MYRIP: variants seen among roughly 807,000 people sequenced by gnomAD.
MYRIP encodes myosin VIIA and Rab interacting protein, also known as rab effector MyRIP.
MYRIP carries 49 observed loss-of-function variants against 98.0 expected under a neutral mutation model. The ratio of observed to expected loss-of-function variants is 0.50; its 90% CI spans 0.40 to 0.63. MYRIP has a LOEUF of 0.63. Among genes scored for constraint, MYRIP ranks in the 30% least tolerant of loss-of-function variants. MYRIP has a pLI of 0.00. For missense variants in MYRIP, 1,004 were observed against 1,058.2 expected (o/e 0.95, Z 0.71); for synonymous variants, 404 against 409.5 (o/e 0.99, Z 0.16).
At chr3:39,914,762 T>A (rs1236060326) in intron 2 of MYRIP, among the ~76,000 whole-genome samples, 2 of 152,130 alleles carry the variant, frequency 1.3e-5, no homozygotes, top group Non-Finnish European at 2.9e-5. Context: ...TAAACCTACA[T>A]ATATGACTTA....
At chr3:39,916,166 T>G (rs561361410) in intron 2 of MYRIP, among the ~76,000 whole-genome samples, 2 of 152,154 alleles carry the variant, frequency 1.3e-5, no homozygotes, top group African/African-American at 4.8e-5. Flanking sequence ...AAAGATAATA[T>G]ATATCACTCA....
At chr3:39,896,045 C>A (rs1675690346) in intron 1 of MYRIP, among the ~76,000 whole-genome samples, 1 of 152,128 alleles carries the variant, frequency 6.6e-6, no homozygotes, top group Non-Finnish European at 1.5e-5. Context: ...CCACAGCCAG[C>A]TCTGTGAGAA....
chr3:40,070,652 G>T (rs1948204520), intron 3 of MYRIP, among the ~76,000 whole-genome samples: 1 of 152,146 alleles, frequency 6.6e-6, no homozygotes, highest in South Asian at 2.1e-4. Flanking sequence ...GTGTGCGAGG[G>T]ATCTAGGGTA....
intron 9 of MYRIP, among the ~76,000 whole-genome samples, chr3:40,183,477 G>A (rs1950945144): frequency 6.6e-6 from 1 of 152,172 alleles, no homozygotes; most frequent in African/African-American, 2.4e-5. Context: ...CAAAATGAAG[G>A]GGCTCAAATG....
intron 3 of MYRIP, among the ~76,000 whole-genome samples, chr3:40,106,427 G>A (rs1048304722): frequency 3.9e-5 from 6 of 152,316 alleles, no homozygotes; most frequent in African/African-American, 1.4e-4. Flanking sequence ...AATAGTCAGA[G>A]AATTTTGCCT....
chr3:39,929,959 A>G (rs921932638), intron 2 of MYRIP, among the ~76,000 whole-genome samples: 8 of 151,986 alleles, frequency 5.3e-5, no homozygotes, highest in African/African-American at 1.9e-4. Flanking sequence ...TTACCCATTC[A>G]TTAGTTGATG....
chr3:40,195,316 G>A (rs539064225), intron 10 of MYRIP, among the ~76,000 whole-genome samples: 1 of 152,108 alleles, frequency 6.6e-6, no homozygotes, highest in South Asian at 2.1e-4. Flanking sequence ...TTATTTTTGA[G>A]ACAGTATTTT....
intron 2 of MYRIP, among the ~76,000 whole-genome samples, chr3:39,981,171 A>G (rs1402487347): frequency 6.6e-6 from 1 of 152,252 alleles, no homozygotes; most frequent in Non-Finnish European, 1.5e-5. Flanking sequence ...TTTACCAAAC[A>G]TAATCAGAAT....
intron 2 of MYRIP, among the ~76,000 whole-genome samples, chr3:39,994,122 G>A (rs1468072289): frequency 6.6e-6 from 1 of 152,236 alleles, no homozygotes; most frequent in African/African-American, 2.4e-5. Flanking sequence ...CGATGCAGAA[G>A]ACAGGTGATT....
chr3:39,945,024 C>T (rs532259294), intron 2 of MYRIP, among the ~76,000 whole-genome samples: 1 of 151,924 alleles, frequency 6.6e-6, no homozygotes, highest in African/African-American at 2.4e-5. Context: ...AAGATCTTGA[C>T]TGGGAGATCT....
At chr3:40,164,258 G>A (rs748038238) in intron 5 of MYRIP, among the ~76,000 whole-genome samples, 8 of 152,036 alleles carry the variant, frequency 5.3e-5, no homozygotes, top group East Asian at 1.9e-4. Flanking sequence ...AAAACTCTCC[G>A]GATTAGTGTT....
rs530323243 is a variant in MYRIP, at chr3:40,034,708, C to A, written c.111-9342C>A. 4.8e-3 allele frequency among the ~76,000 whole-genome samples: 726 copies of A among 151,378 alleles called. 4 individuals are homozygous for A. The highest frequency in any genetic ancestry group is 7.9e-3 in the Non-Finnish European group (536 of 67,944). On this transcript the variant is annotated intron_variant, in intron 2 of 16. Transcript: ENST00000302541. ...GAACTAGAAATACCATTTGACCCAGCCATCCCATTACTGGGTATATACCCA... is the reference window on the plus strand; with the variant it reads ...GAACTAGAAATACCATTTGACCCAGACATCCCATTACTGGGTATATACCCA...
chr3:40,188,635 G>A (rs1179145151), intron 9 of MYRIP, among the ~76,000 whole-genome samples: 1 of 152,208 alleles, frequency 6.6e-6, no homozygotes, highest in Non-Finnish European at 1.5e-5. Context: ...TAAGTAGCCA[G>A]GTGTGGTGGT....
intron 10 of MYRIP, among the ~76,000 whole-genome samples, chr3:40,191,931 T>C (rs1393333674): frequency 6.6e-6 from 1 of 152,086 alleles, no homozygotes; most frequent in African/African-American, 2.4e-5. Flanking sequence ...TAGCTTTCTA[T>C]TTATTCTGAA....
intron 3 of MYRIP, among the ~76,000 whole-genome samples, chr3:40,122,390 ATTT>A (rs1007589623): frequency 6.6e-6 from 1 of 151,446 alleles, no homozygotes; most frequent in Non-Finnish European, 1.5e-5. Context: ...TATATTTTGA[ATTT>A]TTATTTTTAA....
intron 1 of MYRIP, among the ~76,000 whole-genome samples, chr3:39,863,304 G>C (rs1942525093): frequency 6.6e-6 from 1 of 151,860 alleles, no homozygotes. Context: ...TTAACAAAAT[G>C]AGAGCTGAAC....
chr3:40,221,344 T>C (rs1952332143), intron 11 of MYRIP, among the ~76,000 whole-genome samples: 1 of 152,078 alleles, frequency 6.6e-6, no homozygotes, highest in Non-Finnish European at 1.5e-5. Context: ...AATTGGATGG[T>C]TAAAAAGAAG....
intron 8 of MYRIP, among the ~76,000 whole-genome samples, chr3:40,174,929 G>T (rs144284891): frequency 2.6e-5 from 4 of 152,218 alleles, no homozygotes; most frequent in African/African-American, 9.6e-5. Context: ...GGATCACGTG[G>T]TCAGGAGATC....
intron 1 of MYRIP, among the ~76,000 whole-genome samples, chr3:39,841,643 T>C (rs997707600): frequency 1.2e-4 from 18 of 152,122 alleles, no homozygotes; most frequent in Non-Finnish European, 2.9e-5. Flanking sequence ...GTTTGTGCCA[T>C]TGGGGTCCTT....
Sources: gnomAD v4.1 joint callset for allele counts (sites outside exome capture counted in the v4.1 genomes callset) on GRCh38, gnomAD v4.1.1 for gene constraint, MANE v1.5 for transcripts, NCBI Gene and HGNC (gene_info 2026-07-23, HGNC 2026-07-21) for gene names.